RIOK1: variants seen among roughly 807,000 people sequenced by gnomAD.
The protein encoded by RIOK1 is serine/threonine-protein kinase RIO1.
RIOK1 carries 66 observed loss-of-function variants against 73.5 expected under a neutral mutation model. The ratio of observed to expected loss-of-function variants is 0.90; its 90% CI spans 0.74 to 1.10. RIOK1 has a LOEUF of 1.10. Ranked by LOEUF, RIOK1 falls within the 50% of genes least tolerant of loss-of-function variation. The pLI, the probability that RIOK1 is intolerant of heterozygous loss-of-function variation, is 0.00. For synonymous variants in RIOK1, 224 were observed against 226.8 expected (o/e 0.99, Z 0.11); for missense variants, 658 against 699.8 (o/e 0.94, Z 0.67).
At position 7,398,467 on chromosome 6, in the gene RIOK1, C is replaced by A. The variant is rs140244204; in HGVS notation, c.438-231C>A. ...GCTTCTGAAATAGGAATAGATTTTTCTTTTTACTGTATACATACTCCTTTT... is the reference window on the plus strand; with the variant it reads ...GCTTCTGAAATAGGAATAGATTTTTATTTTTACTGTATACATACTCCTTTT... On this transcript the variant is annotated intron_variant, in intron 4 of 16. Transcript: ENST00000379834. Among the ~76,000 whole-genome samples the A allele has an allele frequency of 2.7e-3, 413 of 152,252 alleles. 4 individuals are homozygous for A. Among genetic ancestry groups the A allele is most frequent in the African/African-American group, 9.5e-3 (393 of 41,542 alleles).
At chr6:7,405,408 C>G in intron 12 of RIOK1, 53 bp downstream of exon 12, 1 of 1,058,140 alleles carries the variant, frequency 9.5e-7, no homozygotes, top group Non-Finnish European at 1.4e-6. Flanking sequence ...GGTGCAGTAT[C>G]TCTTATCTCA....
chr6:7,398,173 A>G (rs1008348532), intron 4 of RIOK1, among the ~76,000 whole-genome samples: 5 of 152,128 alleles, frequency 3.3e-5, no homozygotes, highest in African/African-American at 9.7e-5. Flanking sequence ...AAACAAAAAA[A>G]CTTGTATCTT....
intron 1 of RIOK1, among the ~76,000 whole-genome samples, chr6:7,390,560 A>G (rs1218828063): frequency 1.3e-5 from 2 of 152,218 alleles, no homozygotes; most frequent in Admixed American, 6.5e-5. Flanking sequence ...CCAAGTGGTG[A>G]CTGAATGGGT....
At chr6:7,417,021 A>G (rs1762021767) in intron 16 of RIOK1, among the ~76,000 whole-genome samples, 2 of 152,104 alleles carry the variant, frequency 1.3e-5, no homozygotes, top group Admixed American at 1.3e-4. Flanking sequence ...AGGTGGGTGG[A>G]TCACTTGAGC....
rs146057305 is a variant in RIOK1 at position 7,407,644 on chromosome 6, C to T, written c.1203+2289C>T. Among the ~76,000 whole-genome samples the T allele has an allele frequency of 4.0e-3, 601 of 152,112 alleles. 3 individuals are homozygous for T. The highest frequency in any genetic ancestry group is 0.014 in the African/African-American group (578 of 41,498). On this transcript the variant is annotated intron_variant, in intron 12 of 16. Coordinates refer to ENST00000379834, the MANE Select transcript of RIOK1 (RefSeq NM_031480.3). ...GAGACTATAGGTGCAGACCATGACACCCAGCCAATTTTTTTTTTCTTTTTC... is the reference window on the plus strand; with the variant it reads ...GAGACTATAGGTGCAGACCATGACATCCAGCCAATTTTTTTTTTCTTTTTC...
chr6:7,412,359 T>TC (rs1761908241), intron 14 of RIOK1, among the ~76,000 whole-genome samples: 1 of 125,542 alleles, frequency 8.0e-6, no homozygotes, highest in East Asian at 2.4e-4. Flanking sequence ...GAACTCTGTC[T>TC]CAAAAAAAAA....
In RIOK1 at chr6:7,393,113, T is replaced by G. The variant is rs756323802; in HGVS notation, c.86T>G (p.Leu29Trp). The change falls in exon 2 of 17, where the codon TTG becomes TGG. Residue 29 changes from leucine to tryptophan, a missense_variant. Transcript: ENST00000379834. Reference protein sequence around the residue: ...ADSSDSENRDLKTVKEKDDIL... With the variant: ...ADSSDSENRDWKTVKEKDDIL... ...GTTATTTCTAGTGAAAACAGAGACT[T>G]GAAGACAGTCAAAGAGAAGGATGAC... The G allele has an allele frequency of 1.3e-5, 21 of 1,613,644 alleles. No homozygotes were observed. The South Asian group carries it at 1.8e-4, about 14-fold the overall frequency.
chr6:7,413,432 G>A (rs897058979), intron 15 of RIOK1, among the ~76,000 whole-genome samples: 1 of 152,112 alleles, frequency 6.6e-6, no homozygotes, highest in African/African-American at 2.4e-5. Context: ...TTTTAGAAGG[G>A]CAGGGATTAA....
intron 6 of RIOK1, 77 bp downstream of exon 6, chr6:7,401,127 A>T: frequency 2.2e-6 from 2 of 901,114 alleles, no homozygotes; most frequent in Non-Finnish European, 1.8e-6. Context: ...TTAGAACTAC[A>T]TTATGCCTTT....
intron 12 of RIOK1, 46 bp from the exon 13 acceptor site, chr6:7,410,340 C>G (rs1266674153): frequency 7.5e-7 from 1 of 1,329,644 alleles, no homozygotes; most frequent in Non-Finnish European, 1.1e-6. Flanking sequence ...GATGTGCCTT[C>G]TGCAGTTTGA....
In RIOK1 at chr6:7,402,800, C is replaced by T. The variant is rs779781767; in HGVS notation, c.687-17C>T. 3.5e-5 allele frequency: 56 copies of T among 1,603,730 alleles called. No individual in the cohort carries two copies. Among genetic ancestry groups the T allele is most frequent in the Non-Finnish European group, 4.6e-5 (54 of 1,172,552 alleles). ...ATAATGGAATGATTGAAATAATAAA[C>T]ATTTTTCTTATTCAAGATTTCGTCA... On this transcript the variant is annotated splice_polypyrimidine_tract_variant and intron_variant, in intron 7 of 16. Transcript: ENST00000379834.
Position 7,396,709 on chromosome 6 carries a change from TAAATGTTACTG to T in RIOK1, c.376_386del (p.Asn126PhefsTer5), listed in dbSNP as rs1371921830. ...TGGGTTTCTTGTATTTTAGATAAGC[TAAATGTTACTG>T]ATTCCGTCATAAATAAAGTCACCGA... On this transcript the variant is annotated frameshift_variant, in exon 4 of 17. Transcript: ENST00000379834. LOFTEE classifies it high-confidence loss of function. The T allele has an allele frequency of 7.5e-6, 12 of 1,596,060 alleles. No homozygotes were observed. The highest frequency in any genetic ancestry group is 1.0e-5 in the Non-Finnish European group (12 of 1,165,354).
chr6:7,403,011 T>G (rs1761652039), intron 8 of RIOK1, 114 bp downstream of exon 8: 1 of 763,982 alleles, frequency 1.3e-6, no homozygotes, highest in Non-Finnish European at 2.1e-6. Context: ...TGTTAGGGCC[T>G]TTATTTCTAT....
chr6:7,396,053 A>G (rs568305720), intron 3 of RIOK1, among the ~76,000 whole-genome samples: 103 of 152,306 alleles, frequency 6.8e-4, no homozygotes, highest in African/African-American at 2.3e-3. Flanking sequence ...GGATGTTGAA[A>G]ATACTAGAGT....
At chr6:7,394,083 A>T (rs960957250) in intron 2 of RIOK1, among the ~76,000 whole-genome samples, 1 of 152,358 alleles carries the variant, frequency 6.6e-6, no homozygotes, top group Non-Finnish European at 1.5e-5. Context: ...TAGGATTAAC[A>T]TGGTACATCT....
chr6:7,411,325 C>A lies in RIOK1; in HGVS notation c.1270-7C>A. ...ACAGTTTTGATTTTGCTTTTCCTCT[C>A]TGTTAGGTGTTTAAGCGAGCATATA... is the stretch of plus-strand genomic sequence containing the variant. On this transcript the variant is annotated splice_region_variant and splice_polypyrimidine_tract_variant and intron_variant, in intron 13 of 16. Coordinates refer to ENST00000379834, the MANE Select transcript of RIOK1 (RefSeq NM_031480.3). 6.2e-7 allele frequency: 1 copy of A among 1,613,478 alleles called. No individual in the cohort carries two copies. Among genetic ancestry groups the A allele is most frequent in the South Asian group, 1.1e-5 (1 of 91,018 alleles).
Position 7,389,992 on chromosome 6 carries a change from G to T in RIOK1, c.-11G>T. ...TCGCAGAGCGGCGGCCTCCGGCGGC[G>T]CTCTCCAGTCATGGACTACCGGCGG... is the stretch of plus-strand genomic sequence containing the variant. On this transcript the variant is annotated 5_prime_UTR_variant, in exon 1 of 17. Transcript: ENST00000379834. The T allele has an allele frequency of 1.9e-6, 3 of 1,550,376 alleles. No individual in the cohort carries two copies. The highest frequency in any genetic ancestry group is 1.7e-6 in the Non-Finnish European group (2 of 1,146,870).
chr6:7,414,449 C>A lies in RIOK1; in HGVS notation c.1596+59C>A. ...TGTGGGAGCACAGCCGCTCTTATTT[C>A]TCTTTGCTCAAGGATCTAGCTAGAT... On this transcript the variant is annotated intron_variant, in intron 16 of 16. Coordinates refer to ENST00000379834, the MANE Select transcript of RIOK1 (RefSeq NM_031480.3). 3 of 1,447,772 alleles carry A rather than the reference C, an allele frequency of 2.1e-6. No individual in the cohort carries two copies. In the South Asian group the frequency reaches 4.2e-5, roughly 20 times the overall value. The allele number at this position is 1,447,772 out of a possible 1,614,324, so 89.7% of individuals were successfully genotyped here.
rs1762040921 is a variant in RIOK1, at chr6:7,417,602, C to T, written c.*161C>T. On this transcript the variant is annotated 3_prime_UTR_variant, in exon 17 of 17. Transcript: ENST00000379834. ...TGTTTTCATGTAACTATGTAAAAAGCTCTAAGCTCTAGAGTCTAGATCCAG... is the reference window on the plus strand; with the variant it reads ...TGTTTTCATGTAACTATGTAAAAAGTTCTAAGCTCTAGAGTCTAGATCCAG... 2.1e-6 allele frequency: 1 copy of T among 476,238 alleles called. No homozygotes were observed. The highest frequency in any genetic ancestry group is 2.0e-5 in the African/African-American group (1 of 50,098). 29.5% of individuals were successfully genotyped at this position (476,238 alleles called of 1,614,324 possible). A position where few individuals can be genotyped will look rare whatever the true frequency, so the allele number is the denominator to read the frequency against.
Sources: allele counts gnomAD v4.1 joint callset (sites outside exome capture counted in the v4.1 genomes callset), GRCh38; gene constraint gnomAD v4.1.1; transcripts MANE v1.5; gene names NCBI Gene and HGNC (gene_info 2026-07-23, HGNC 2026-07-21).